UBE2W: variants seen among roughly 807,000 people sequenced by gnomAD.
The protein encoded by UBE2W is ubiquitin conjugating enzyme E2 W, also known as ubiquitin-conjugating enzyme E2 W.
Under a neutral mutation model 27.2 loss-of-function variants are expected in UBE2W, and 18 were observed. The ratio of observed to expected loss-of-function variants is 0.66; its 90% CI spans 0.46 to 0.98. The LOEUF is 0.98. Ranked by LOEUF, UBE2W falls within the 50% of genes least tolerant of loss-of-function variation. The probability of loss-of-function intolerance (pLI) is 0.00; values close to 1 mark genes in which losing one functional copy is unlikely to be tolerated. For missense variants in UBE2W, 90 were observed against 180.2 expected (o/e 0.50, Z 2.87); for synonymous variants, 53 against 57.2 (o/e 0.93, Z 0.33).
In UBE2W at chr8:73,869,695, G is replaced by GA. The variant is rs34929440; in HGVS notation, c.15+9112dup. Among the ~76,000 whole-genome samples the GA allele has an allele frequency of 5.6e-4, 83 of 148,376 alleles. No homozygotes were observed. In the Middle Eastern group the frequency reaches 0.028, roughly 50 times the overall value. ...GACTGAGCAAGACTCTTGTCTCAGGGAAAAAAAAAACTACAAAAATTAGCT... is the reference window on the plus strand; with the variant it reads ...GACTGAGCAAGACTCTTGTCTCAGGGAAAAAAAAAAACTACAAAAATTAGCT... On this transcript the variant is annotated intron_variant, in intron 1 of 5. Coordinates refer to ENST00000602593, the MANE Select transcript of UBE2W (RefSeq NM_018299.6).
At chr8:73,780,195 G>A (rs1010713759) in exon 5 of UBE2W, 1 of 176,116 alleles carries the variant, frequency 5.7e-6, no homozygotes, top group South Asian at 1.3e-4. Context: ...CACAGCTCTA[G>A]GGAAGAACAT....
At chr8:73,868,208 G>A (rs1811858771) in intron 1 of UBE2W, among the ~76,000 whole-genome samples, 1 of 152,124 alleles carries the variant, frequency 6.6e-6, no homozygotes, top group African/African-American at 2.4e-5. Context: ...TGGGGAAGAA[G>A]GGGGGGCTCA....
intron 2 of UBE2W, among the ~76,000 whole-genome samples, chr8:73,825,562 G>A (rs1809803004): frequency 6.6e-6 from 1 of 152,216 alleles, no homozygotes; most frequent in Non-Finnish European, 1.5e-5. Flanking sequence ...CCAGAACTTT[G>A]GGAGGCCAAG....
intron 4 of UBE2W, among the ~76,000 whole-genome samples, chr8:73,808,296 C>T (rs374215950): frequency 3.2e-4 from 49 of 152,168 alleles, no homozygotes; most frequent in African/African-American, 1.2e-3. Flanking sequence ...AGTGCAGTGG[C>T]GTGATATCAG....
Position 73,786,465 on chromosome 8 carries a change from G to C in UBE2W, c.*7637C>G. ...TACTAGGTACTGTGTGCTACGTGCTGGGGACACAAACACAATTGCAACACT... is the reference window on the plus strand; with the variant it reads ...TACTAGGTACTGTGTGCTACGTGCTCGGGACACAAACACAATTGCAACACT... On this transcript the variant is annotated 3_prime_UTR_variant, in exon 6 of 6. Coordinates refer to ENST00000602593, the MANE Select transcript of UBE2W (RefSeq NM_018299.6). 1.0e-6 allele frequency: 1 copy of C among 984,912 alleles called. No individual in the cohort carries two copies. Among genetic ancestry groups the C allele is most frequent in the Non-Finnish European group, 1.2e-6 (1 of 829,498 alleles). The allele number at this position is 984,912 out of a possible 1,614,324, so 61.0% of individuals were successfully genotyped here. A position where few individuals can be genotyped will look rare whatever the true frequency, so the allele number is the denominator to read the frequency against.
chr8:73,795,390 G>A (rs1440271663), intron 5 of UBE2W, among the ~76,000 whole-genome samples: 1 of 152,158 alleles, frequency 6.6e-6, no homozygotes, highest in East Asian at 1.9e-4. Context: ...CTATTGCCAT[G>A]TGACTTGCCT....
At chr8:73,806,571 C>T (rs901582030) in intron 4 of UBE2W, among the ~76,000 whole-genome samples, 7 of 149,350 alleles carry the variant, frequency 4.7e-5, no homozygotes, top group East Asian at 3.9e-4. Context: ...ATTAGCCGGG[C>T]GTGTTGGCGG....
intron 1 of UBE2W, among the ~76,000 whole-genome samples, chr8:73,871,708 C>T (rs2130994740): frequency 6.6e-6 from 1 of 152,206 alleles, no homozygotes; most frequent in South Asian, 2.1e-4. Context: ...ATGAAGCAGA[C>T]AGCAATAATA....
intron 3 of UBE2W, among the ~76,000 whole-genome samples, chr8:73,811,688 T>C (rs993149617): frequency 6.6e-6 from 1 of 152,122 alleles, no homozygotes; most frequent in African/African-American, 2.4e-5. Context: ...CCATCAGATA[T>C]AAACCAACAA....
At chr8:73,841,501 T>G (rs1229659113) in intron 1 of UBE2W, among the ~76,000 whole-genome samples, 2 of 152,214 alleles carry the variant, frequency 1.3e-5, no homozygotes, top group Non-Finnish European at 2.9e-5. Flanking sequence ...ATTTCTGCTC[T>G]TAAGAGCCCA....
chr8:73,791,511 TA>T lies in UBE2W; in HGVS notation c.*2590del, dbSNP rs1229871699. On this transcript the variant is annotated 3_prime_UTR_variant, in exon 6 of 6. Coordinates refer to ENST00000602593, the MANE Select transcript of UBE2W (RefSeq NM_018299.6). ...GGAGGAGGCAAGTAGCATATTCCTA[TA>T]TACATTTTCTTGATATTCTGGTTGT... 2.2e-5 allele frequency: 22 copies of T among 985,192 alleles called. No individual in the cohort carries two copies. Among genetic ancestry groups the T allele is most frequent in the Non-Finnish European group, 2.7e-5 (22 of 829,820 alleles). The allele number at this position is 985,192 out of a possible 1,614,324, so 61.0% of individuals were successfully genotyped here. A position where few individuals can be genotyped will look rare whatever the true frequency, so the allele number is the denominator to read the frequency against.
rs1808119108 is a variant in UBE2W, at chr8:73,789,799, T to C, written c.*4303A>G. 1.6e-6 allele frequency: 1 copy of C among 619,162 alleles called. No individual in the cohort carries two copies. The allele number at this position is 619,162 out of a possible 1,614,324, so 38.4% of individuals were successfully genotyped here. A position where few individuals can be genotyped will look rare whatever the true frequency, so the allele number is the denominator to read the frequency against. Reference sequence around the variant, plus strand: ...ATTGAAATGAGCCAAGATCGTGCACTGCACTAAAGCCCGGGTGACAGAGCA... The same window carrying C: ...ATTGAAATGAGCCAAGATCGTGCACCGCACTAAAGCCCGGGTGACAGAGCA... On this transcript the variant is annotated 3_prime_UTR_variant, in exon 6 of 6. Coordinates refer to ENST00000602593, the MANE Select transcript of UBE2W (RefSeq NM_018299.6).
At chr8:73,854,507 A>C (rs1243900685) in intron 1 of UBE2W, among the ~76,000 whole-genome samples, 2 of 152,174 alleles carry the variant, frequency 1.3e-5, no homozygotes, top group African/African-American at 4.8e-5. Context: ...TCTTCTAATA[A>C]ATCTATTTTT....
intron 1 of UBE2W, among the ~76,000 whole-genome samples, chr8:73,859,540 A>T (rs1465907878): frequency 1.3e-5 from 2 of 152,070 alleles, no homozygotes; most frequent in Non-Finnish European, 2.9e-5. Flanking sequence ...TCTTAATAAC[A>T]TTTTTTCTCT....
At chr8:73,863,868 G>A (rs1563631269) in intron 1 of UBE2W, among the ~76,000 whole-genome samples, 1 of 151,156 alleles carries the variant, frequency 6.6e-6, no homozygotes, top group Middle Eastern at 3.4e-3. Context: ...AGGTGATTTC[G>A]ATGTGATATC....
rs1248742666 is a variant in UBE2W at position 73,789,860 on chromosome 8, A to G, written c.*4242T>C. 1.1e-6 allele frequency: 1 copy of G among 896,392 alleles called. No individual in the cohort carries two copies. The highest frequency in any genetic ancestry group is 6.2e-5 in the Admixed American group (1 of 16,108). The allele number at this position is 896,392 out of a possible 1,614,324, so 55.5% of individuals were successfully genotyped here. A position where few individuals can be genotyped will look rare whatever the true frequency, so the allele number is the denominator to read the frequency against. On this transcript the variant is annotated 3_prime_UTR_variant, in exon 6 of 6. Transcript: ENST00000602593. ...TCAAAAATAAATAAATAAATAAATA[A>G]TAAAAATAATCATTCCACATCTCAA... is the stretch of plus-strand genomic sequence containing the variant.
chr8:73,873,566 GGA>G, intron 1 of UBE2W, among the ~76,000 whole-genome samples: 1 of 152,168 alleles, frequency 6.6e-6, no homozygotes, highest in African/African-American at 2.4e-5. Flanking sequence ...TGAAGTGGGA[GGA>G]TCACCCGAGC....
At chr8:73,853,509 C>T (rs1358648790) in intron 1 of UBE2W, among the ~76,000 whole-genome samples, 2 of 152,160 alleles carry the variant, frequency 1.3e-5, no homozygotes, top group Non-Finnish European at 2.9e-5. Context: ...GATCCTCCTG[C>T]CTCAGCCTCA....
At chr8:73,844,797 C>T (rs1041410109) in intron 1 of UBE2W, among the ~76,000 whole-genome samples, 40 of 151,620 alleles carry the variant, frequency 2.6e-4, no homozygotes, top group African/African-American at 9.0e-4. Flanking sequence ...TGCCTGGCCG[C>T]GACCCCGTCT....
Sources: gnomAD v4.1 joint callset for allele counts (sites outside exome capture counted in the v4.1 genomes callset) on GRCh38, gnomAD v4.1.1 for gene constraint, MANE v1.5 for transcripts, NCBI Gene and HGNC (gene_info 2026-07-23, HGNC 2026-07-21) for gene names.